TENT4B: variants seen among roughly 807,000 people sequenced by gnomAD.
TENT4B encodes the protein terminal nucleotidyltransferase 4B, also known as PAP associated domain containing 5.
Under a neutral mutation model 75.0 loss-of-function variants are expected in TENT4B, and 10 were observed. The ratio of observed to expected loss-of-function variants is 0.13; its 90% CI spans 0.08 to 0.23. The LOEUF (loss-of-function observed/expected upper bound fraction) is 0.23. Among genes scored for constraint, TENT4B ranks in the 10% least tolerant of loss-of-function variants. The pLI, the probability that TENT4B is intolerant of heterozygous loss-of-function variation, is 1.00. For missense variants in TENT4B, 579 were observed against 893.8 expected (o/e 0.65, Z 4.49); for synonymous variants, 350 against 357.7 (o/e 0.98, Z 0.24).
intron 1 of TENT4B, among the ~76,000 whole-genome samples, chr16:50,209,524 C>T (rs1336900717): frequency 1.3e-5 from 2 of 152,232 alleles, no homozygotes; most frequent in Admixed American, 6.5e-5. Context: ...GGGATATCTT[C>T]TGGATTCACC....
upstream of TENT4B, among the ~76,000 whole-genome samples, chr16:50,153,289 C>CGCCGCCGCT (rs1478010209): frequency 2.1e-5 from 2 of 96,186 alleles, no homozygotes; most frequent in Non-Finnish European, 4.4e-5. Context: ...CCGCCGCTGC[C>CGCCGCCGCT]GCCGCCGCCG....
chr16:50,232,371 T>G lies in TENT4B; in HGVS notation c.*3043T>G. On this transcript the variant is annotated 3_prime_UTR_variant, in exon 12 of 12. Transcript: ENST00000561678. Reference sequence around the variant, plus strand: ...ATCCTGTTTTGAGTGTACTTTACCTTTACTTGCATTTTGAGCCTCATTAAT... The same window carrying G: ...ATCCTGTTTTGAGTGTACTTTACCTGTACTTGCATTTTGAGCCTCATTAAT... 4 of 985,406 alleles carry G rather than the reference T, an allele frequency of 4.1e-6. No individual in the cohort carries two copies. The highest frequency in any genetic ancestry group is 4.8e-6 in the Non-Finnish European group (4 of 829,906). The allele number at this position is 985,406 out of a possible 1,614,324, so 61.0% of individuals were successfully genotyped here.
chr16:50,228,120 T>G, intron 11 of TENT4B, 117 bp downstream of exon 11: 1 of 1,278,194 alleles, frequency 7.8e-7, no homozygotes, highest in Non-Finnish European at 1.1e-6. Flanking sequence ...AGAACAAACT[T>G]ATTTTATTCT....
In TENT4B at chr16:50,227,981, C is replaced by A. The variant is rs2032131433; in HGVS notation, c.1943C>A (p.Ser648Tyr). 1 of 1,613,940 alleles carries A rather than the reference C, an allele frequency of 6.2e-7. No individual in the cohort carries two copies. Among genetic ancestry groups the A allele is most frequent in the Non-Finnish European group, 8.5e-7 (1 of 1,179,860 alleles). The change falls in exon 11 of 12, where the codon TCC becomes TAC. Residue 648 changes from serine (S) to tyrosine (Y), a missense_variant. Physicochemically the swap from Ser to Tyr is moderately radical, Grantham distance 144 (BLOSUM62 -2). This residue lies in a region of TENT4B where 164 missense variants were observed against 226.5 expected (regional missense o/e 0.72). Coordinates refer to ENST00000561678, the MANE Select transcript of TENT4B (RefSeq NM_001365324.3). ...CAAAGCACCCAAACCACTAACACAT[C>A]CAACAGCACCAACAAATCTCAGGTG... ...KMQSTQTTNT[S>Y]NSTNKSQHGS...
At chr16:50,172,928 C>G (rs1344236124) in intron 1 of TENT4B, among the ~76,000 whole-genome samples, 1 of 152,068 alleles carries the variant, frequency 6.6e-6, no homozygotes, top group South Asian at 2.1e-4. Flanking sequence ...TTTCCATGTT[C>G]CTTCCTGGCT....
chr16:50,222,198 G>A (rs2031861341), intron 5 of TENT4B, 108 bp from the exon 6 acceptor site: 3 of 1,013,038 alleles, frequency 3.0e-6, no homozygotes, highest in South Asian at 3.4e-5. Flanking sequence ...TAAGTATGTT[G>A]TATATCTCTA....
intron 1 of TENT4B, among the ~76,000 whole-genome samples, chr16:50,175,807 G>T (rs948133721): frequency 1.3e-5 from 2 of 151,842 alleles, no homozygotes; most frequent in Non-Finnish European, 2.9e-5. Context: ...TTTGAAACAG[G>T]GTCTTGTTCT....
At chr16:50,208,946 G>A (rs747109165) in intron 1 of TENT4B, among the ~76,000 whole-genome samples, 4 of 152,108 alleles carry the variant, frequency 2.6e-5, no homozygotes, top group Admixed American at 6.6e-5. Flanking sequence ...TGGCCAGATG[G>A]TCTCCAACTC....
At chr16:50,199,009 A>G (rs904508263) in intron 1 of TENT4B, among the ~76,000 whole-genome samples, 3 of 152,184 alleles carry the variant, frequency 2.0e-5, no homozygotes, top group Admixed American at 1.3e-4. Flanking sequence ...TCAAGTGCCT[A>G]TCTCTCCCCT....
intron 1 of TENT4B, among the ~76,000 whole-genome samples, chr16:50,180,536 G>C (rs2038393713): frequency 6.6e-6 from 1 of 152,172 alleles, no homozygotes; most frequent in South Asian, 2.1e-4. Flanking sequence ...GCGAAACCCT[G>C]TTTCTACTAA....
chr16:50,181,653 T>G (rs987111791), intron 1 of TENT4B, among the ~76,000 whole-genome samples: 2 of 152,118 alleles, frequency 1.3e-5, no homozygotes, highest in Non-Finnish European at 2.9e-5. Flanking sequence ...TTCCTACTGA[T>G]GAACACAGAG....
Position 50,229,625 on chromosome 16 carries a change from T to C in TENT4B, c.*297T>C. 9.2e-7 allele frequency: 1 copy of C among 1,087,402 alleles called. No homozygotes were observed. Among genetic ancestry groups the C allele is most frequent in the Non-Finnish European group, 1.1e-6 (1 of 897,434 alleles). 67.4% of individuals were successfully genotyped at this position (1,087,402 alleles called of 1,614,324 possible). A position where few individuals can be genotyped will look rare whatever the true frequency, so the allele number is the denominator to read the frequency against. ...TTAAAGCTTGAATGTAAAATAAATATATTTCTCATTGGCTTTATGCAGAGT... is the reference window on the plus strand; with the variant it reads ...TTAAAGCTTGAATGTAAAATAAATACATTTCTCATTGGCTTTATGCAGAGT... On this transcript the variant is annotated 3_prime_UTR_variant, in exon 12 of 12. Coordinates refer to ENST00000561678, the MANE Select transcript of TENT4B (RefSeq NM_001365324.3).
intron 1 of TENT4B, among the ~76,000 whole-genome samples, chr16:50,168,071 T>C (rs1360856827): frequency 2.6e-5 from 4 of 151,546 alleles, no homozygotes; most frequent in East Asian, 3.9e-4. Flanking sequence ...TGTTTCCTCA[T>C]TGAGCAATGT....
intron 1 of TENT4B, among the ~76,000 whole-genome samples, chr16:50,161,683 G>A (rs28569083): frequency 8.7e-4 from 133 of 152,254 alleles, no homozygotes; most frequent in African/African-American, 3.2e-3. Flanking sequence ...TTTATAGGAA[G>A]TTGTGAAAAA....
chr16:50,208,676 G>C (rs960115050), intron 1 of TENT4B, among the ~76,000 whole-genome samples: 7 of 152,088 alleles, frequency 4.6e-5, no homozygotes, highest in African/African-American at 1.7e-4. Context: ...CATGTTTTAT[G>C]AGCCAGTTTT....
At chr16:50,156,942 AGCCACCATTCTC>A (rs2037912842) in intron 1 of TENT4B, among the ~76,000 whole-genome samples, 1 of 152,206 alleles carries the variant, frequency 6.6e-6, no homozygotes, top group Non-Finnish European at 1.5e-5. Context: ...TATAGGCATG[AGCCACCATTCTC>A]GCCAGTATCC....
rs575757020 is a variant in TENT4B, at chr16:50,186,592, T to A, written c.639-24731T>A. Among the ~76,000 whole-genome samples the A allele has an allele frequency of 8.5e-5, 13 of 152,322 alleles. No individual in the cohort carries two copies. In the East Asian group the frequency reaches 2.5e-3, roughly 29 times the overall value. The stretch of plus-strand genomic sequence containing the variant: ...AATCTCTGATTTCAGTTCTTTTGGT[T>A]CCATACCTAGGAGTGGAATTGCTGG... On this transcript the variant is annotated intron_variant, in intron 1 of 11. Transcript: ENST00000561678.
At chr16:50,153,230 C>A (rs1355488965), upstream of TENT4B, among the ~76,000 whole-genome samples, 2 of 143,686 alleles carry the variant, frequency 1.4e-5, no homozygotes, top group Non-Finnish European at 3.1e-5. Context: ...AGAGGCCCCG[C>A]CCCGGGGCCG....
chr16:50,198,878 C>T (rs2030455333), intron 1 of TENT4B, among the ~76,000 whole-genome samples: 1 of 152,174 alleles, frequency 6.6e-6, no homozygotes, highest in African/African-American at 2.4e-5. Flanking sequence ...TCCAGCTATC[C>T]ATGAGAGTAT....
Sources: allele counts gnomAD v4.1 joint callset (sites outside exome capture counted in the v4.1 genomes callset), GRCh38; gene constraint gnomAD v4.1.1; regional missense constraint gnomAD v4.1.1; transcripts MANE v1.5; gene names NCBI Gene and HGNC (gene_info 2026-07-23, HGNC 2026-07-21).